The following INPP5B variants were observed in gnomAD, a reference collection of about 807,000 sequenced individuals.
INPP5B encodes the protein type II inositol 1,4,5-trisphosphate 5-phosphatase.
In INPP5B, 90 loss-of-function variants were observed where a neutral mutation model predicts 118.5. The ratio of observed to expected loss-of-function variants is 0.76; its 90% confidence interval spans 0.64 to 0.90. The LOEUF is 0.90. Among genes scored for constraint, INPP5B ranks in the 40% least tolerant of loss-of-function variants. INPP5B has a pLI of 0.00. For synonymous variants in INPP5B, 385 were observed against 418.9 expected (o/e 0.92, Z 0.99); for missense variants, 984 against 1,125.6 (o/e 0.87, Z 1.80).
chr1:37,916,406 CTTTCA>C (rs1260897147), intron 7 of INPP5B, among the ~76,000 whole-genome samples: 11 of 44,704 alleles, frequency 2.5e-4, no homozygotes, highest in Non-Finnish European at 6.5e-4. Context: ...TTTTCTTTTT[CTTTCA>C]TTTTTTTTTT....
chr1:37,868,758 T>A (rs1642209982), intron 19 of INPP5B, 144 bp from the exon 20 acceptor site: 1 of 659,570 alleles, frequency 1.5e-6, no homozygotes, highest in Admixed American at 2.2e-5. Context: ...TGAAATCAGG[T>A]GGTATGATCA....
chr1:37,899,860 T>C (rs1005153948), intron 7 of INPP5B, among the ~76,000 whole-genome samples: 11 of 150,434 alleles, frequency 7.3e-5, no homozygotes, highest in Non-Finnish European at 1.5e-4. Flanking sequence ...ACTACAGGAG[T>C]CCGCCACCAC....
intron 19 of INPP5B, among the ~76,000 whole-genome samples, chr1:37,869,598 G>C (rs1428026757): frequency 6.6e-6 from 1 of 152,042 alleles, no homozygotes; most frequent in East Asian, 1.9e-4. Context: ...TCCTGCCTCA[G>C]CCTCCCGAGC....
At chr1:37,883,090 G>A (rs1166689943) in intron 13 of INPP5B, 172 bp from the exon 14 acceptor site, 1 of 985,246 alleles carries the variant, frequency 1.0e-6, no homozygotes, top group Non-Finnish European at 1.2e-6. Context: ...ATAATCTAAT[G>A]TGATGCTTGC....
chr1:37,903,193 C>T (rs1477088939), intron 7 of INPP5B, among the ~76,000 whole-genome samples: 2 of 152,048 alleles, frequency 1.3e-5, no homozygotes, highest in East Asian at 3.9e-4. Flanking sequence ...ATATGAGGGT[C>T]GGCACAAGGC....
At chr1:37,944,634 G>C (rs1646052059) in intron 3 of INPP5B, among the ~76,000 whole-genome samples, 1 of 147,694 alleles carries the variant, frequency 6.8e-6, no homozygotes. Flanking sequence ...TTGCTGTGTT[G>C]CCCAGGCTGC....
At chr1:37,878,080 T>C in intron 16 of INPP5B, 108 bp downstream of exon 16, 1 of 1,320,042 alleles carries the variant, frequency 7.6e-7, no homozygotes, top group Non-Finnish European at 1.0e-6. Flanking sequence ...AAAAGGGGCT[T>C]CTTCCCTCTC....
chr1:37,870,304 T>A (rs1642335296), intron 19 of INPP5B, among the ~76,000 whole-genome samples: 2 of 151,988 alleles, frequency 1.3e-5, no homozygotes, highest in Non-Finnish European at 2.9e-5. Flanking sequence ...AGAGATGGAG[T>A]CTCATTACGT....
In INPP5B at chr1:37,887,366, A is replaced by C. The variant is rs973643685; in HGVS notation, c.999T>G (p.Asp333Glu). Residue 333 changes from aspartate (D) to glutamate (E), a missense_variant, in exon 11 of 24, where the codon GAT (aspartate) becomes GAG (glutamate). Coordinates refer to ENST00000373024, the MANE Select transcript of INPP5B (RefSeq NM_005540.3). ...CCTCTCTTACCTTTGCATATTTGGC[A>C]TCTGGATGAAGACCCTCTGACACAG... ...FKAVSEGLHP[D>E]AKYAKVKLIR... is the part of the protein sequence containing the mutation. The C allele has an allele frequency of 2.5e-6, 4 of 1,604,696 alleles. No homozygotes were observed. Among genetic ancestry groups the C allele is most frequent in the Non-Finnish European group, 3.4e-6 (4 of 1,173,096 alleles).
intron 7 of INPP5B, among the ~76,000 whole-genome samples, chr1:37,921,226 A>G (rs1053327130): frequency 7.2e-5 from 11 of 152,220 alleles, no homozygotes; most frequent in Non-Finnish European, 1.6e-4. Flanking sequence ...AATAATGATA[A>G]CAACAGTAGT....
chr1:37,897,094 G>A (rs1315599679), intron 7 of INPP5B, among the ~76,000 whole-genome samples: 16 of 147,844 alleles, frequency 1.1e-4, no homozygotes, highest in African/African-American at 3.0e-4. Flanking sequence ...CAGCCGCCCC[G>A]TCCAGGAGGG....
At chr1:37,944,598 GT>G (rs375820267) in intron 3 of INPP5B, among the ~76,000 whole-genome samples, 13,410 of 140,048 alleles carry the variant, frequency 0.096, 760 homozygotes, top group Middle Eastern at 0.24. Flanking sequence ...TTTTTTTCTT[GT>G]TTTTTTTTTT....
At chr1:37,940,615 G>T in intron 6 of INPP5B, 73 bp downstream of exon 6, 1 of 846,052 alleles carries the variant, frequency 1.2e-6, no homozygotes, top group East Asian at 2.4e-5. Flanking sequence ...CCAAAGGGTG[G>T]AGAGTCAACT....
rs778422800 is a variant in INPP5B at position 37,945,781 on chromosome 1, G to A, written c.127C>T (p.Leu43=). The change falls in exon 3 of 24, where the codon CTG becomes TTG. Residue 43 remains leucine, a synonymous_variant. Coordinates refer to ENST00000373024, the MANE Select transcript of INPP5B (RefSeq NM_005540.3). The part of the protein sequence containing the change: ...SRLLGLVRYR[L]EHGGQEHALF... The stretch of plus-strand genomic sequence containing the variant: ...GCGTGTTCCTGGCCGCCGTGCTCCA[G>A]GCGGTAGCGCACGAGTCCCAGGAGG... The A allele has an allele frequency of 1.9e-6, 3 of 1,613,882 alleles. No individual in the cohort carries two copies. Among genetic ancestry groups the A allele is most frequent in the Non-Finnish European group, 2.5e-6 (3 of 1,179,962 alleles).
intron 15 of INPP5B, among the ~76,000 whole-genome samples, chr1:37,879,270 CAA>C (rs560434492): frequency 3.8e-5 from 5 of 132,338 alleles, no homozygotes; most frequent in African/African-American, 2.8e-5. Flanking sequence ...GACTCCGTCT[CAA>C]AAAAAAAAAA....
At chr1:37,918,912 G>T (rs1012873018) in intron 7 of INPP5B, among the ~76,000 whole-genome samples, 3 of 152,124 alleles carry the variant, frequency 2.0e-5, no homozygotes, top group African/African-American at 7.2e-5. Context: ...ACCTCTCATA[G>T]TTAGGTAATA....
intron 6 of INPP5B, among the ~76,000 whole-genome samples, chr1:37,935,279 C>A (rs1292014508): frequency 6.8e-6 from 1 of 147,626 alleles, no homozygotes; most frequent in Non-Finnish European, 1.5e-5. Context: ...GCAACCTCTG[C>A]CTCCCGGGTT....
chr1:37,942,491 C>T (rs1254974304), intron 5 of INPP5B, among the ~76,000 whole-genome samples: 4 of 152,026 alleles, frequency 2.6e-5, no homozygotes, highest in Non-Finnish European at 5.9e-5. Flanking sequence ...ACAATGCTGG[C>T]GTGGGATAAT....
rs1043916514 is a variant in INPP5B, at chr1:37,868,484, G to A, written c.2301+17C>T. On this transcript the variant is annotated intron_variant, in intron 20 of 23. Transcript: ENST00000373024. ...AGCCTGGCCTCAATCAGGTCTGAAT[G>A]CTTAAACACAACCTACCTGCTGGAC... 1.3e-6 allele frequency: 2 copies of A among 1,571,906 alleles called. No individual in the cohort carries two copies. Among genetic ancestry groups the A allele is most frequent in the Non-Finnish European group, 1.8e-6 (2 of 1,141,828 alleles).
Sources: gnomAD v4.1 joint callset for allele counts (sites outside exome capture counted in the v4.1 genomes callset) on GRCh38, gnomAD v4.1.1 for gene constraint, MANE v1.5 for transcripts, NCBI Gene and HGNC (gene_info 2026-07-23, HGNC 2026-07-21) for gene names.